The following IDI2 variants were observed in gnomAD, a reference collection of about 807,000 sequenced individuals.
IDI2 encodes isopentenyl-diphosphate delta isomerase 2.
IDI2 carries 18 observed loss-of-function variants against 14.8 expected under a neutral mutation model. That is an observed-to-expected ratio of 1.22 (90% CI 0.84 to 1.80). IDI2 has a LOEUF of 1.80. Among genes scored for constraint, IDI2 ranks in the 40% most tolerant of loss-of-function variants. The pLI, the probability that IDI2 is intolerant of heterozygous loss-of-function variation, is 0.00. For synonymous variants in IDI2, 133 were observed against 109.6 expected, an observed-to-expected ratio of 1.21 and a Z score of -1.33; for missense variants, 316 against 283.2, an observed-to-expected ratio of 1.12 and a Z score of -0.83.
At position 1,021,022 on chromosome 10, in the gene IDI2, G is replaced by A. The variant is rs996214690; in HGVS notation, c.236-125C>T. 13 of 1,096,850 alleles carry A rather than the reference G, an allele frequency of 1.2e-5. No homozygotes were observed. In the African/African-American group the frequency reaches 2.0e-4, roughly 17 times the overall value. 67.9% of individuals were successfully genotyped at this position (1,096,850 alleles called of 1,614,324 possible). ...AGCAGAAGACAGCCTGGCGGGGGGA[G>A]TGGGTTTGTCATGGGCTCTCAGAGC... is the stretch of plus-strand genomic sequence containing the variant. On this transcript the variant is annotated intron_variant, in intron 3 of 4. Transcript: ENST00000277517.
intron 2 of IDI2, among the ~76,000 whole-genome samples, chr10:1,023,158 G>A (rs540045195): frequency 2.8e-4 from 43 of 152,126 alleles, no homozygotes; most frequent in Non-Finnish European, 5.6e-4. Flanking sequence ...GATACACAGT[G>A]GCATACCATT....
At chr10:1,023,177 A>G (rs1832143139) in intron 2 of IDI2, among the ~76,000 whole-genome samples, 1 of 152,150 alleles carries the variant, frequency 6.6e-6, no homozygotes, top group South Asian at 2.1e-4. Flanking sequence ...TTCCACCACA[A>G]AAGAAGAATG....
At position 1,019,534 on chromosome 10, in the gene IDI2, T is replaced by C; in HGVS notation, c.667A>G (p.Lys223Glu). The change falls in exon 5 of 5, where the codon AAA (lysine) becomes GAA (glutamate). Residue 223 changes from lysine to glutamate, a missense_variant. Transcript: ENST00000277517. Reference protein sequence around the residue: ...DDVTPFVELHKIHRV With the variant: ...DDVTPFVELHEIHRV ...CCTGCCTCTCACACTCTGTGTATTT[T>C]GTGAAGCTCCACAAACGGGGTCACG... 16 of 1,613,066 alleles carry C rather than the reference T, an allele frequency of 9.9e-6. No homozygotes were observed. The highest frequency in any genetic ancestry group is 1.4e-5 in the Non-Finnish European group (16 of 1,179,268).
At chr10:1,020,115 C>T (rs144354815) in intron 4 of IDI2, among the ~76,000 whole-genome samples, 224 of 152,316 alleles carry the variant, frequency 1.5e-3, no homozygotes, top group African/African-American at 4.9e-3. Context: ...CCGTAGAAAC[C>T]GGCTAGCGTT....
Position 1,020,814 on chromosome 10 carries a change from C to A in IDI2, c.319G>T (p.Ala107Ser). ...EEKDAIGVRR[A>S]AQRRLQAELG... ...TCTGCTTGCAGACGCCTCTGGGCTG[C>A]CCTCCTCACTCCGATGGCATCCTTT... Residue 107 changes from alanine to serine, a missense_variant, in exon 4 of 5, where the codon GCA (alanine) becomes TCA (serine). Transcript: ENST00000277517. 1.9e-6 allele frequency: 3 copies of A among 1,613,974 alleles called. No homozygotes were observed. Among genetic ancestry groups the A allele is most frequent in the Non-Finnish European group, 2.5e-6 (3 of 1,179,936 alleles).
Position 1,019,227 on chromosome 10 carries a change from T to A in IDI2, c.*290A>T, listed in dbSNP as rs74669000. The A allele has an allele frequency of 1.6e-3, 523 of 322,542 alleles. 3 individuals carry two copies. The highest frequency in any genetic ancestry group is 9.9e-3 in the African/African-American group (464 of 46,934). The allele number at this position is 322,542 out of a possible 1,614,324, so 20.0% of individuals were successfully genotyped here. A position where few individuals can be genotyped will look rare whatever the true frequency, so the allele number is the denominator to read the frequency against. On this transcript the variant is annotated 3_prime_UTR_variant, in exon 5 of 5. Coordinates refer to ENST00000277517, the MANE Select transcript of IDI2 (RefSeq NM_033261.3). The stretch of plus-strand genomic sequence containing the variant: ...AGGACTCTCAAGATCTCCCCAAGAC[T>A]TTCAGGATCAGCTGCTGTTAATCAA...
rs757691293 is a variant in IDI2 at position 1,019,676 on chromosome 10, G to A, written c.525C>T (p.Ser175=). 1 of 1,613,972 alleles carries A rather than the reference G, an allele frequency of 6.2e-7. No individual in the cohort carries two copies. ...PSETKSILYL[S]QEELWELLER... is the part of the protein sequence containing the mutation. ...CCAGCAGCTCCCACAGCTCCTCCTG[G>A]GACAGGTAGAGGATGCTTTTCGTTT... The change falls in exon 5 of 5, where the codon TCC becomes TCT. Residue 175 remains serine, a synonymous_variant. Transcript: ENST00000277517.
chr10:1,019,169 C>T lies in IDI2; in HGVS notation c.*348G>A, dbSNP rs1832043369. The T allele has an allele frequency of 3.3e-5, 7 of 210,018 alleles. No individual in the cohort carries two copies. The South Asian group carries it at 6.6e-4, about 20-fold the overall frequency. The allele number at this position is 210,018 out of a possible 1,614,324, so 13.0% of individuals were successfully genotyped here. On this transcript the variant is annotated 3_prime_UTR_variant, in exon 5 of 5. Coordinates refer to ENST00000277517, the MANE Select transcript of IDI2 (RefSeq NM_033261.3). The stretch of plus-strand genomic sequence containing the variant: ...TTGGATAAAGCTGTGGGGAGACAGC[C>T]TCATGGTCCAGCCAGGCTAGTCCGC...
At chr10:1,023,016 C>A (rs1214956051) in intron 2 of IDI2, among the ~76,000 whole-genome samples, 1 of 152,102 alleles carries the variant, frequency 6.6e-6, no homozygotes, top group South Asian at 2.1e-4. Context: ...GGGCAAATAT[C>A]CAAAATAAAA....
chr10:1,025,010 C>CCACACACACACA (rs72086728), intron 1 of IDI2, among the ~76,000 whole-genome samples: 18,356 of 144,424 alleles, frequency 0.13, 1,399 homozygotes, highest in East Asian at 0.17. Flanking sequence ...CCCCGCCCCA[C>CCACACACACACA]CACACACACA....
rs1314345196 is a variant in IDI2, at chr10:1,019,550, CG to C, written c.650del (p.Pro217ArgfsTer22). ...RWWPHLDDVT[P>X]FVELHKIHRV ...TGTGTATTTTGTGAAGCTCCACAAACGGGGTCACGTCATCCAGGTGAGGCCA... is the reference window on the plus strand; with the variant it reads ...TGTGTATTTTGTGAAGCTCCACAAACGGGTCACGTCATCCAGGTGAGGCCA... On this transcript the variant is annotated frameshift_variant, in exon 5 of 5. Transcript: ENST00000277517. LOFTEE classifies it low-confidence loss of function (END_TRUNC). 17 of 1,613,496 alleles carry C rather than the reference CG, an allele frequency of 1.1e-5. No individual in the cohort carries two copies. The highest frequency in any genetic ancestry group is 1.4e-5 in the Non-Finnish European group (16 of 1,179,720).
At chr10:1,021,979 G>T (rs1400478079) in intron 3 of IDI2, among the ~76,000 whole-genome samples, 1 of 152,120 alleles carries the variant, frequency 6.6e-6, no homozygotes, top group African/African-American at 2.4e-5. Context: ...AAATTTTTTG[G>T]CCGGGCCCGG....
At position 1,022,764 on chromosome 10, in the gene IDI2, G is replaced by C. The variant is rs746745361; in HGVS notation, c.154C>G (p.Arg52Gly). 1 of 1,613,716 alleles carries C rather than the reference G, an allele frequency of 6.2e-7. No homozygotes were observed. The highest frequency in any genetic ancestry group is 8.5e-7 in the Non-Finnish European group (1 of 1,179,658). The change falls in exon 3 of 5, where the codon CGA (arginine) becomes GGA (glycine). Residue 52 changes from arginine (R) to glycine (G), a missense_variant. Transcript: ENST00000277517. The part of the protein sequence containing the change: ...NENIEKGLLH[R>G]AFSVVLFNTK... ...TTAAACAAGACAACGCTGAAGGCTC[G>C]GTGCAGCAGCCCTGCAAAGGTAAGT...
rs1056159771 is a variant in IDI2, at chr10:1,022,579, A to AC, written c.235+103dup. 5 of 855,838 alleles carry AC rather than the reference A, an allele frequency of 5.8e-6. No individual in the cohort carries two copies. The African/African-American group carries it at 8.2e-5, about 14-fold the overall frequency. The allele number at this position is 855,838 out of a possible 1,614,324, so 53.0% of individuals were successfully genotyped here. Reference sequence around the variant, plus strand: ...TTTCTGCAGGATGAGCTGCCAGCTCACCACAGTGCGGCACTGAGCACCAGA... The same window carrying AC: ...TTTCTGCAGGATGAGCTGCCAGCTCACCCACAGTGCGGCACTGAGCACCAGA... On this transcript the variant is annotated intron_variant, in intron 3 of 4. Transcript: ENST00000277517.
At chr10:1,019,908 A>G (rs1016673041) in intron 4 of IDI2, 74 bp from the exon 5 acceptor site, 7 of 1,110,874 alleles carry the variant, frequency 6.3e-6, no homozygotes, top group Non-Finnish European at 9.3e-6. Flanking sequence ...TAGAGAAAAT[A>G]AACACATTTG....
At chr10:1,021,437 T>C (rs1400300405) in intron 3 of IDI2, among the ~76,000 whole-genome samples, 1 of 152,248 alleles carries the variant, frequency 6.6e-6, no homozygotes, top group Admixed American at 6.5e-5. Flanking sequence ...AATAGCGCTA[T>C]GACGGGAGGT....
chr10:1,020,922 T>C (rs756056645), intron 3 of IDI2, 25 bp from the exon 4 acceptor site: 1 of 1,602,460 alleles, frequency 6.2e-7, no homozygotes, highest in Non-Finnish European at 8.5e-7. Flanking sequence ...TGTGGGAACA[T>C]CCCTCTTTAT....
rs1411740786 is a variant in IDI2, at chr10:1,024,582, C to A, written c.142G>T (p.Gly48Trp). Residue 48 changes from glycine to tryptophan, a missense_variant and splice_region_variant, in exon 2 of 5, where the codon GGG becomes TGG. Coordinates refer to ENST00000277517, the MANE Select transcript of IDI2 (RefSeq NM_033261.3). ...GACAGAGAAAATGGGCGGGGGCTAC[C>A]TTTCTCAATGTTTTCGTTCAGATGG... ...NCHLNENIEK[G>W]LLHRAFSVVL... 1 of 1,613,932 alleles carries A rather than the reference C, an allele frequency of 6.2e-7. No individual in the cohort carries two copies. The highest frequency in any genetic ancestry group is 8.5e-7 in the Non-Finnish European group (1 of 1,179,958).
chr10:1,020,686 C>CTCGGTGGG, intron 4 of IDI2, 81 bp downstream of exon 4: 2 of 1,408,048 alleles, frequency 1.4e-6, no homozygotes, highest in Non-Finnish European at 9.6e-7. Context: ...TGGTGTAGAT[C>CTCGGTGGG]CAGCCTGGAC....
Sources: gnomAD v4.1 joint callset for allele counts (sites outside exome capture counted in the v4.1 genomes callset) on GRCh38, gnomAD v4.1.1 for gene constraint, MANE v1.5 for transcripts, NCBI Gene and HGNC (gene_info 2026-07-23, HGNC 2026-07-21) for gene names.